The following NEB variants were observed in gnomAD, a reference collection of about 807,000 sequenced individuals.
The protein encoded by NEB is nemaline myopathy type 2.
Under a neutral mutation model 952.2 loss-of-function variants are expected in NEB, and 512 were observed. That is an observed-to-expected ratio of 0.54 (90% CI 0.50 to 0.58). The LOEUF (loss-of-function observed/expected upper bound fraction) is 0.58, where lower values mean the gene tolerates loss of function less well. Ranked by LOEUF, NEB falls within the 20% of genes least tolerant of loss-of-function variation. The pLI is 0.00. For missense variants in NEB, 8,428 were observed against 9,231.1 expected (o/e 0.91, Z 3.56); for synonymous variants, 2,900 against 3,149.8 (o/e 0.92, Z 2.66).
intron 54 of NEB, among the ~76,000 whole-genome samples, chr2:151,648,170 TC>T (rs1255563658): frequency 6.6e-6 from 1 of 152,224 alleles, no homozygotes; most frequent in Admixed American, 6.5e-5. Flanking sequence ...TACTATTTTT[TC>T]AACTTTTCTG....
intron 3 of NEB, among the ~76,000 whole-genome samples, chr2:151,731,564 T>A (rs2099808975): frequency 6.6e-6 from 1 of 152,216 alleles, no homozygotes; most frequent in African/African-American, 2.4e-5. Context: ...GTTCAATACT[T>A]TCTGGCAGGC....
chr2:151,577,110 T>C (rs563831189), intron 105 of NEB, among the ~76,000 whole-genome samples: 51 of 152,338 alleles, frequency 3.3e-4, no homozygotes, highest in Non-Finnish European at 6.3e-4. Context: ...TAGTAAGTTC[T>C]CTACACAGCA....
chr2:151,570,695 T>G (rs1258958503), intron 107 of NEB, 94 bp from the exon 108 acceptor site: 1 of 1,141,072 alleles, frequency 8.8e-7, no homozygotes, highest in Non-Finnish European at 1.3e-6. Flanking sequence ...GGCACAGTTT[T>G]GAAGCCCAAG....
intron 13 of NEB, among the ~76,000 whole-genome samples, chr2:151,698,952 C>T (rs2099622920): frequency 2.1e-5 from 3 of 144,246 alleles, no homozygotes; most frequent in Admixed American, 6.9e-5. Context: ...ATGTGCCATG[C>T]TGGTGCGCTG....
intron 9 of NEB, among the ~76,000 whole-genome samples, chr2:151,721,223 T>C (rs931537368): frequency 6.6e-6 from 1 of 152,208 alleles, no homozygotes; most frequent in Non-Finnish European, 1.5e-5. Context: ...CAATCTATCA[T>C]ATTGCTCATC....
At chr2:151,652,766 T>C (rs913164337) in intron 52 of NEB, among the ~76,000 whole-genome samples, 2 of 152,184 alleles carry the variant, frequency 1.3e-5, no homozygotes, top group Non-Finnish European at 2.9e-5. Context: ...TATAGTTCAT[T>C]TGAGAGTAAG....
chr2:151,493,677 A>G, intron 175 of NEB, 98 bp downstream of exon 175: 2 of 1,027,018 alleles, frequency 1.9e-6, no homozygotes, highest in Non-Finnish European at 2.8e-6. Flanking sequence ...TTAAAGATAC[A>G]CAAAAGTTTT....
Position 151,723,441 on chromosome 2 carries a change from G to A in NEB, c.658C>T (p.Pro220Ser), listed in dbSNP as rs1306093509. 6.2e-7 allele frequency: 1 copy of A among 1,610,232 alleles called. No homozygotes were observed. The highest frequency in any genetic ancestry group is 8.5e-7 in the Non-Finnish European group (1 of 1,178,276). The change falls in exon 9 of 182, where the codon CCC (proline) becomes TCC (serine). Residue 220 changes from proline (P) to serine (S), a missense_variant. Pro to Ser is a moderately conservative substitution (Grantham distance 74, BLOSUM62 -1). Around this residue, in one of 11 missense-constraint regions of NEB, gnomAD observed 2,851 missense variants for 2,791.5 expected, o/e 1.02. Transcript: ENST00000397345. ...CTCAGTTCCGGGCTATCATTATAGG[G>A]GTAAAACAAACTTTTGTCTGCTTCC... is the stretch of plus-strand genomic sequence containing the variant. The part of the protein sequence containing the change: ...DWEADKSLFY[P>S]YNDSPELRRV...
intron 70 of NEB, among the ~76,000 whole-genome samples, chr2:151,625,863 C>T (rs1222203158): frequency 6.6e-6 from 1 of 151,894 alleles, no homozygotes; most frequent in Non-Finnish European, 1.5e-5. Context: ...TATAATCAAA[C>T]ACACACACAC....
At chr2:151,496,493 T>A (rs1234557013) in intron 172 of NEB, 125 bp from the exon 173 acceptor site, 7 of 1,453,624 alleles carry the variant, frequency 4.8e-6, no homozygotes, top group Non-Finnish European at 6.5e-6. Flanking sequence ...AGAAGTTATA[T>A]GCTGACAAAA....
chr2:151,613,219 C>G (rs780919625), intron 77 of NEB, among the ~76,000 whole-genome samples: 1 of 152,178 alleles, frequency 6.6e-6, no homozygotes, highest in Non-Finnish European at 1.5e-5. Flanking sequence ...TACTGGCCAA[C>G]AACAAAAGTG....
At chr2:151,721,122 C>A (rs1253699186) in intron 9 of NEB, among the ~76,000 whole-genome samples, 1 of 152,126 alleles carries the variant, frequency 6.6e-6, no homozygotes, top group Admixed American at 6.6e-5. Context: ...ATACTTATTA[C>A]CCTCAGATTC....
chr2:151,633,334 C>T (rs2098704696), intron 65 of NEB, among the ~76,000 whole-genome samples: 1 of 152,034 alleles, frequency 6.6e-6, no homozygotes, highest in Non-Finnish European at 1.5e-5. Context: ...AAAACAAATT[C>T]CACAGTAATT....
At position 151,554,977 on chromosome 2, in the gene NEB, T is replaced by A. The variant is rs1463302420; in HGVS notation, c.19382A>T (p.Asp6461Val). 6.2e-7 allele frequency: 1 copy of A among 1,613,898 alleles called. No homozygotes were observed. Among genetic ancestry groups the A allele is most frequent in the Non-Finnish European group, 8.5e-7 (1 of 1,179,796 alleles). Residue 6461 changes from aspartate (D) to valine (V), a missense_variant, in exon 125 of 182, where the codon GAT becomes GTT. Coordinates refer to ENST00000397345, the MANE Select transcript of NEB (RefSeq NM_001164508.2). ...LYTLPRSVDD[D>V]PNTARCLRVG... ...TCGGAGGCACCGTGCTGTGTTCGGA[T>A]CATCGTCAACACTTCTTGGTAACGT...
At position 151,627,750 on chromosome 2, in the gene NEB, A is replaced by G. The variant is rs1273977896; in HGVS notation, c.9916T>C (p.Ser3306Pro). The G allele has an allele frequency of 6.2e-7, 1 of 1,613,940 alleles. No individual in the cohort carries two copies. Among genetic ancestry groups the G allele is most frequent in the Non-Finnish European group, 8.5e-7 (1 of 1,179,868 alleles). Residue 3306 changes from serine to proline, a missense_variant, in exon 69 of 182, where the codon TCC becomes CCC. Coordinates refer to ENST00000397345, the MANE Select transcript of NEB (RefSeq NM_001164508.2). ...NIEDDPKMMW[S>P]MHVAKIQSDR... ...CTCTGGATCTTGGCCACATGCATGG[A>G]CCACATCATCTTGGGGTCATCTTCA...
chr2:151,577,650 C>T (rs2153818874), intron 105 of NEB, among the ~76,000 whole-genome samples: 1 of 152,334 alleles, frequency 6.6e-6, no homozygotes, highest in East Asian at 1.9e-4. Flanking sequence ...GCAATCTCGG[C>T]TCACTGCAAC....
intron 172 of NEB, among the ~76,000 whole-genome samples, chr2:151,496,725 T>C (rs1454012312): frequency 6.6e-6 from 1 of 152,006 alleles, no homozygotes; most frequent in Non-Finnish European, 1.5e-5. Flanking sequence ...TTTTAAAAAA[T>C]GATTGAAAAT....
chr2:151,714,403 A>G (rs533092252), intron 10 of NEB, among the ~76,000 whole-genome samples: 2 of 152,226 alleles, frequency 1.3e-5, no homozygotes, highest in African/African-American at 4.8e-5. Context: ...TTGCTCCTCA[A>G]CAGAATTCCT....
At chr2:151,665,220 G>C in intron 42 of NEB, 113 bp downstream of exon 42, 2 of 988,134 alleles carry the variant, frequency 2.0e-6, no homozygotes, top group Non-Finnish European at 3.0e-6. Flanking sequence ...TCCCACCACC[G>C]GCACGAAGAC....
Sources: allele counts gnomAD v4.1 joint callset (sites outside exome capture counted in the v4.1 genomes callset), GRCh38; gene constraint gnomAD v4.1.1; regional missense constraint gnomAD v4.1.1; transcripts MANE v1.5; gene names NCBI Gene and HGNC (gene_info 2026-07-23, HGNC 2026-07-21).